Variants in CSMD1 observed in about 807,000 individuals in gnomAD.
CSMD1 encodes the protein CUB and sushi domain-containing protein 1.
CSMD1 carries 213 observed loss-of-function variants against 417.5 expected under a neutral mutation model. That is an observed-to-expected ratio of 0.51 (90% confidence interval 0.46 to 0.57). The LOEUF is 0.57. Ranked by LOEUF, CSMD1 falls within the 20% of genes least tolerant of loss-of-function variation. The pLI is 0.00. For missense variants in CSMD1, 6,923 were observed against 4,529.7 expected, an observed-to-expected ratio of 1.53 and a Z score of -15.17; for synonymous variants, 2,862 against 1,736.8, an observed-to-expected ratio of 1.65 and a Z score of -16.11.
chr8:4,925,877 C>T (rs1806833535), intron 1 of CSMD1, among the ~76,000 whole-genome samples: 1 of 152,070 alleles, frequency 6.6e-6, no homozygotes, highest in South Asian at 2.1e-4. Flanking sequence ...TGTGAAATGG[C>T]ATTCTGTCAT....
intron 1 of CSMD1, among the ~76,000 whole-genome samples, chr8:4,891,482 G>C (rs1352526946): frequency 1.3e-5 from 2 of 151,998 alleles, no homozygotes; most frequent in East Asian, 3.8e-4. Context: ...TAATTTGAAA[G>C]GTCTGTAATT....
intron 5 of CSMD1, among the ~76,000 whole-genome samples, chr8:3,852,098 A>C (rs1223668691): frequency 6.6e-6 from 1 of 152,204 alleles, no homozygotes; most frequent in Admixed American, 6.5e-5. Context: ...GGAATTCAAG[A>C]AACAGAGGCT....
chr8:3,414,191 C>A (rs1460654281), intron 12 of CSMD1, among the ~76,000 whole-genome samples: 1 of 42,942 alleles, frequency 2.3e-5, no homozygotes, highest in Non-Finnish European at 4.4e-5. Flanking sequence ...GGTATCAATT[C>A]AAAGACTGAT....
chr8:4,157,144 A>T (rs1796879187), intron 3 of CSMD1, among the ~76,000 whole-genome samples: 1 of 152,122 alleles, frequency 6.6e-6, no homozygotes, highest in East Asian at 1.9e-4. Context: ...TTATATTTTT[A>T]AGTGGTAGAA....
At chr8:4,108,881 T>C (rs1801707526) in intron 3 of CSMD1, among the ~76,000 whole-genome samples, 1 of 152,198 alleles carries the variant, frequency 6.6e-6, no homozygotes, top group African/African-American at 2.4e-5. Flanking sequence ...TTTGTCACTT[T>C]AGTGGAAACA....
intron 10 of CSMD1, among the ~76,000 whole-genome samples, chr8:3,559,095 C>G (rs2116848769): frequency 6.6e-6 from 1 of 152,320 alleles, no homozygotes; most frequent in South Asian, 2.1e-4. Context: ...ATAACATCCT[C>G]TGATTTTAAC....
intron 12 of CSMD1, among the ~76,000 whole-genome samples, chr8:3,425,158 T>G (rs1439391411): frequency 6.6e-6 from 1 of 152,190 alleles, no homozygotes. Flanking sequence ...TCTCTTACTG[T>G]GTCTAGCCTG....
rs149522240 is a variant in CSMD1, at chr8:2,973,101, G to T, written c.8923+16C>A. ...TTTAACTTTCAAGGTGGACCTTAAG[G>T]CTTCTGGCTACTCACCCTCACACAC... On this transcript the variant is annotated intron_variant, in intron 57 of 69. Coordinates refer to ENST00000635120, the MANE Select transcript of CSMD1 (RefSeq NM_033225.6). The T allele has an allele frequency of 1.2e-6, 2 of 1,610,412 alleles. No individual in the cohort carries two copies. The highest frequency in any genetic ancestry group is 1.7e-6 in the Non-Finnish European group (2 of 1,178,298).
chr8:3,707,599 C>T (rs1356536778), intron 7 of CSMD1, among the ~76,000 whole-genome samples: 1 of 152,178 alleles, frequency 6.6e-6, no homozygotes, highest in Non-Finnish European at 1.5e-5. Flanking sequence ...CTCAGTGAAG[C>T]TGGTACCCAG....
intron 8 of CSMD1, among the ~76,000 whole-genome samples, chr8:3,610,763 A>G (rs548935838): frequency 6.6e-6 from 1 of 152,182 alleles, no homozygotes; most frequent in Admixed American, 6.5e-5. Flanking sequence ...TACTTAATGC[A>G]TCTCTTTTTA....
intron 8 of CSMD1, among the ~76,000 whole-genome samples, chr8:3,603,717 C>A (rs1020846851): frequency 3.4e-4 from 52 of 152,044 alleles, no homozygotes; most frequent in African/African-American, 1.2e-3. Context: ...TCCAAATTTT[C>A]TTAAAAAACC....
rs554217557 is a variant in CSMD1 at position 4,868,506 on chromosome 8, A to G, written c.85+125826T>C. Among the ~76,000 whole-genome samples, 23 of 152,130 alleles carry G rather than the reference A, an allele frequency of 1.5e-4. No individual in the cohort carries two copies. In the East Asian group the frequency reaches 4.3e-3, roughly 28 times the overall value. ...CTGCCTCGGTCTCCCAAAGTGCTAA[A>G]ATGACAGTCGTATTATTTTCATATT... On this transcript the variant is annotated intron_variant, in intron 1 of 69. Coordinates refer to ENST00000635120, the MANE Select transcript of CSMD1 (RefSeq NM_033225.6).
intron 3 of CSMD1, among the ~76,000 whole-genome samples, chr8:4,159,409 T>C (rs1318435606): frequency 6.6e-6 from 1 of 152,192 alleles, no homozygotes; most frequent in Non-Finnish European, 1.5e-5. Context: ...AAAGAAGTCA[T>C]TATATGAAAA....
At chr8:4,285,193 G>T (rs1039035140) in intron 3 of CSMD1, among the ~76,000 whole-genome samples, 1 of 152,198 alleles carries the variant, frequency 6.6e-6, no homozygotes, top group East Asian at 1.9e-4. Context: ...TGTATGTCAA[G>T]GAGTGTGTTA....
At chr8:3,916,559 T>C (rs923688699) in intron 5 of CSMD1, among the ~76,000 whole-genome samples, 1 of 152,156 alleles carries the variant, frequency 6.6e-6, no homozygotes, top group Non-Finnish European at 1.5e-5. Context: ...CGATTATGTA[T>C]GAAGTATGAT....
At chr8:4,173,459 G>A (rs927677557) in intron 3 of CSMD1, among the ~76,000 whole-genome samples, 2 of 152,178 alleles carry the variant, frequency 1.3e-5, no homozygotes, top group African/African-American at 2.4e-5. Context: ...AAGCACAGAA[G>A]AAGAGATAGT....
intron 4 of CSMD1, among the ~76,000 whole-genome samples, chr8:4,005,478 T>G (rs1281897783): frequency 6.6e-6 from 1 of 152,196 alleles, no homozygotes; most frequent in Non-Finnish European, 1.5e-5. Flanking sequence ...ACATGAACAC[T>G]GAATTATCTC....
rs191220207 is a variant in CSMD1 at position 4,673,638 on chromosome 8, G to T, written c.86-36080C>A. 1.9e-4 allele frequency among the ~76,000 whole-genome samples: 29 copies of T among 152,222 alleles called. No homozygotes were observed. In the East Asian group the frequency reaches 4.1e-3, roughly 21 times the overall value. ...CTCTATTCTAGGAATCATGCTTTGT[G>T]GTTCTAGTCCTCATTTACATCAACT... On this transcript the variant is annotated intron_variant, in intron 1 of 69. Coordinates refer to ENST00000635120, the MANE Select transcript of CSMD1 (RefSeq NM_033225.6).
At chr8:3,400,733 C>T (rs887346716) in intron 15 of CSMD1, among the ~76,000 whole-genome samples, 7 of 151,708 alleles carry the variant, frequency 4.6e-5, no homozygotes, top group East Asian at 1.9e-4. Context: ...TCAGTGAACA[C>T]GGCAGTGGAA....
Sources: gnomAD v4.1 joint callset for allele counts (sites outside exome capture counted in the v4.1 genomes callset) on GRCh38, gnomAD v4.1.1 for gene constraint, MANE v1.5 for transcripts, NCBI Gene and HGNC (gene_info 2026-07-23, HGNC 2026-07-21) for gene names.